Variants in ADM2 observed in about 807,000 individuals in gnomAD.
ADM2 encodes the protein protein ADM2.
In ADM2, 5 loss-of-function variants were observed where a neutral mutation model predicts 7.1. That is an observed-to-expected ratio of 0.71 (90% confidence interval 0.37 to 1.49). The LOEUF (loss-of-function observed/expected upper bound fraction) is 1.49. Among genes scored for constraint, ADM2 ranks in the 40% most tolerant of loss-of-function variants. ADM2 has a pLI of 0.03. For synonymous variants in ADM2, 123 were observed against 92.8 expected, an observed-to-expected ratio of 1.33 and a Z score of -1.87; for missense variants, 236 against 211.2, an observed-to-expected ratio of 1.12 and a Z score of -0.73.
At position 50,481,771 on chromosome 22, in the gene ADM2, C is replaced by G; in HGVS notation, c.-12+8C>G. The stretch of plus-strand genomic sequence containing the variant: ...CGCGGAGGACTCCCCGAGGTGCCGG[C>G]GGAGGGGGTGGCTCGCGGCTCAGGC... On this transcript the variant is annotated splice_region_variant and intron_variant, in intron 1 of 2. Coordinates refer to ENST00000395737, the MANE Select transcript of ADM2 (RefSeq NM_001253845.2). 4 of 1,027,830 alleles carry G rather than the reference C, an allele frequency of 3.9e-6. No individual in the cohort carries two copies. The highest frequency in any genetic ancestry group is 5.3e-6 in the Non-Finnish European group (4 of 755,488). The allele number at this position is 1,027,830 out of a possible 1,614,324, so 63.7% of individuals were successfully genotyped here. A position where few individuals can be genotyped will look rare whatever the true frequency, so the allele number is the denominator to read the frequency against.
chr22:50,482,831 G>T lies in ADM2; in HGVS notation c.375G>T (p.Trp125Cys). 6.2e-7 allele frequency: 1 copy of T among 1,608,582 alleles called. No individual in the cohort carries two copies. Residue 125 changes from tryptophan (W) to cysteine (C), a missense_variant, in exon 3 of 3, where the codon TGG becomes TGT. Transcript: ENST00000395737. ...TGCAGAATCTCAGCCACCGCCTGTG[G>T]CAACTCATGGGACCGGCCGGCCGGC... ...CQVQNLSHRL[W>C]QLMGPAGRQD... is the part of the protein sequence containing the mutation.
At position 50,484,543 on chromosome 22, in the gene ADM2, C is replaced by CA. The variant is rs1255454322; in HGVS notation, c.*1641dup. ...GTCAGCAGAGCACACGGCATGAGGA[C>CA]AGAGGGAGGGGCACGGGGAGTGAAG... On this transcript the variant is annotated 3_prime_UTR_variant, in exon 3 of 3. Transcript: ENST00000395737. The CA allele has an allele frequency of 6.6e-6, 1 of 152,358 alleles. No homozygotes were observed. The highest frequency in any genetic ancestry group is 2.4e-5 in the African/African-American group (1 of 41,394). The allele number at this position is 152,358 out of a possible 1,614,324, so 9.4% of individuals were successfully genotyped here. A position where few individuals can be genotyped will look rare whatever the true frequency, so the allele number is the denominator to read the frequency against.
At position 50,483,289 on chromosome 22, in the gene ADM2, G is replaced by T. The variant is rs61732429; in HGVS notation, c.*386G>T. 5.8e-4 allele frequency: 280 copies of T among 482,270 alleles called. 1 individual carries two copies. Among genetic ancestry groups the T allele is most frequent in the African/African-American group, 5.0e-3 (256 of 51,266 alleles). The allele number at this position is 482,270 out of a possible 1,614,324, so 29.9% of individuals were successfully genotyped here. On this transcript the variant is annotated 3_prime_UTR_variant, in exon 3 of 3. Coordinates refer to ENST00000395737, the MANE Select transcript of ADM2 (RefSeq NM_001253845.2). ...ACTGGCCAGAAGTGGCCCCTCCGCT[G>T]CTGGTCCAGTCAGACTGAAGCCCGG...
Position 50,486,014 on chromosome 22 carries a change from G to C in ADM2, c.*3111G>C, listed in dbSNP as rs1421060691. ...TGCGTTGGCGGCCTGGGTGTTGGCG[G>C]TTCCGTGCCTGCTCCAACTCTCCGT... is the stretch of plus-strand genomic sequence containing the variant. On this transcript the variant is annotated 3_prime_UTR_variant, in exon 3 of 3. Coordinates refer to ENST00000395737, the MANE Select transcript of ADM2 (RefSeq NM_001253845.2). 1.3e-5 allele frequency: 2 copies of C among 152,168 alleles called. No individual in the cohort carries two copies. Among genetic ancestry groups the C allele is most frequent in the Non-Finnish European group, 2.9e-5 (2 of 68,072 alleles). 9.4% of individuals were successfully genotyped at this position (152,168 alleles called of 1,614,324 possible).
At chr22:50,482,431 C>T in intron 2 of ADM2, 136 bp from the exon 3 acceptor site, 2 of 1,358,314 alleles carry the variant, frequency 1.5e-6, no homozygotes, top group Non-Finnish European at 1.9e-6. Flanking sequence ...CCTGGCCGTG[C>T]TCCAGGCTGT....
intron 2 of ADM2, 124 bp downstream of exon 2, chr22:50,482,081 G>A: frequency 3.4e-6 from 3 of 892,278 alleles, no homozygotes; most frequent in South Asian, 1.7e-5. Context: ...CCCAAACAAA[G>A]GCCCCTACCC....
rs1434421820 is a variant in ADM2 at position 50,482,778 on chromosome 22, G to A, written c.322G>A (p.Val108Met). Reference protein sequence around the residue: ...PRRTQAQLLRVGCVLGTCQVQ... With the variant: ...PRRTQAQLLRMGCVLGTCQVQ... Reference sequence around the variant, plus strand: ...CAGGACCCAAGCCCAGCTCCTGCGAGTGGGCTGTGTGCTGGGCACCTGCCA... The same window carrying A: ...CAGGACCCAAGCCCAGCTCCTGCGAATGGGCTGTGTGCTGGGCACCTGCCA... Residue 108 changes from valine to methionine, a missense_variant, in exon 3 of 3, where the codon GTG becomes ATG. Transcript: ENST00000395737. 6.2e-7 allele frequency: 1 copy of A among 1,608,016 alleles called. No homozygotes were observed. Among genetic ancestry groups the A allele is most frequent in the Admixed American group, 1.7e-5 (1 of 59,818 alleles).
At position 50,483,276 on chromosome 22, in the gene ADM2, T is replaced by C. The variant is rs1229308351; in HGVS notation, c.*373T>C. The C allele has an allele frequency of 6.1e-6, 3 of 490,420 alleles. No homozygotes were observed. Among genetic ancestry groups the C allele is most frequent in the Non-Finnish European group, 1.2e-5 (3 of 249,628 alleles). The allele number at this position is 490,420 out of a possible 1,614,324, so 30.4% of individuals were successfully genotyped here. On this transcript the variant is annotated 3_prime_UTR_variant, in exon 3 of 3. Transcript: ENST00000395737. ...GGAGAGAGGCTGAACTGGCCAGAAG[T>C]GGCCCCTCCGCTGCTGGTCCAGTCA...
chr22:50,483,093 G>C lies in ADM2; in HGVS notation c.*190G>C. On this transcript the variant is annotated 3_prime_UTR_variant, in exon 3 of 3. Coordinates refer to ENST00000395737, the MANE Select transcript of ADM2 (RefSeq NM_001253845.2). ...ACACGCAGTGCTGGTACGTCAAGGA[G>C]CCTAAACACCCTGAAATTGTGACCC... 2 of 1,001,638 alleles carry C rather than the reference G, an allele frequency of 2.0e-6. No homozygotes were observed. Among genetic ancestry groups the C allele is most frequent in the Non-Finnish European group, 3.0e-6 (2 of 659,766 alleles). 62.0% of individuals were successfully genotyped at this position (1,001,638 alleles called of 1,614,324 possible). A position where few individuals can be genotyped will look rare whatever the true frequency, so the allele number is the denominator to read the frequency against.
In ADM2 at chr22:50,482,890, A is replaced by G; in HGVS notation, c.434A>G (p.His145Arg). The G allele has an allele frequency of 6.3e-7, 1 of 1,598,296 alleles. No individual in the cohort carries two copies. ...GCTCCTGTGGACCCCAGCAGCCCCC[A>G]CAGCTATGGCTGAGGTGGGGCCGGG... ...DSAPVDPSSP[H>R]SYG is the part of the protein sequence containing the mutation. The change falls in exon 3 of 3, where the codon CAC (histidine) becomes CGC (arginine). Residue 145 changes from histidine to arginine, a missense_variant. By Grantham distance (29) the His-to-Arg change is conservative (BLOSUM62 0). Transcript: ENST00000395737.
Position 50,483,470 on chromosome 22 carries a change from C to T in ADM2, c.*567C>T. ...AGGTCATGAAGGGACCTCTGTGGCT[C>T]CAGCTGCCAACCCTGGAGCCCAGAC... On this transcript the variant is annotated 3_prime_UTR_variant, in exon 3 of 3. Coordinates refer to ENST00000395737, the MANE Select transcript of ADM2 (RefSeq NM_001253845.2). The T allele has an allele frequency of 2.8e-6, 1 of 352,902 alleles. No homozygotes were observed. The highest frequency in any genetic ancestry group is 5.7e-6 in the Non-Finnish European group (1 of 176,400). 21.9% of individuals were successfully genotyped at this position (352,902 alleles called of 1,614,324 possible). A position where few individuals can be genotyped will look rare whatever the true frequency, so the allele number is the denominator to read the frequency against.
Position 50,483,158 on chromosome 22 carries a change from A to T in ADM2, c.*255A>T. ...GCCAGACACAGCTGGCGGCAGCACCAGATGCTAAGCGCTTCAGAGAGGAGG... is the reference window on the plus strand; with the variant it reads ...GCCAGACACAGCTGGCGGCAGCACCTGATGCTAAGCGCTTCAGAGAGGAGG... On this transcript the variant is annotated 3_prime_UTR_variant, in exon 3 of 3. Transcript: ENST00000395737. The T allele has an allele frequency of 1.4e-6, 1 of 693,388 alleles. No individual in the cohort carries two copies. The highest frequency in any genetic ancestry group is 2.6e-6 in the Non-Finnish European group (1 of 383,470). 43.0% of individuals were successfully genotyped at this position (693,388 alleles called of 1,614,324 possible).
chr22:50,482,888 C>A lies in ADM2; in HGVS notation c.432C>A (p.Pro144=). The part of the protein sequence containing the change: ...QDSAPVDPSS[P]HSYG ...CAGCTCCTGTGGACCCCAGCAGCCCCCACAGCTATGGCTGAGGTGGGGCCG... is the reference window on the plus strand; with the variant it reads ...CAGCTCCTGTGGACCCCAGCAGCCCACACAGCTATGGCTGAGGTGGGGCCG... Residue 144 remains proline, a synonymous_variant, in exon 3 of 3, where the codon CCC becomes CCA. Coordinates refer to ENST00000395737, the MANE Select transcript of ADM2 (RefSeq NM_001253845.2). 6.3e-7 allele frequency: 1 copy of A among 1,599,808 alleles called. No individual in the cohort carries two copies. Among genetic ancestry groups the A allele is most frequent in the East Asian group, 2.2e-5 (1 of 44,518 alleles).
chr22:50,481,627 T>G lies in ADM2; in HGVS notation c.-148T>G. ...AGGACCCCCAACCCGCCCAGCCCGC[T>G]CCGCCTTGCGCCCCGGACCCGCGGC... is the stretch of plus-strand genomic sequence containing the variant. On this transcript the variant is annotated 5_prime_UTR_variant, in exon 1 of 3. Coordinates refer to ENST00000395737, the MANE Select transcript of ADM2 (RefSeq NM_001253845.2). 1 of 240,682 alleles carries G rather than the reference T, an allele frequency of 4.2e-6. No individual in the cohort carries two copies. The highest frequency in any genetic ancestry group is 7.8e-6 in the Non-Finnish European group (1 of 127,562). The allele number at this position is 240,682 out of a possible 1,614,324, so 14.9% of individuals were successfully genotyped here.
chr22:50,485,619 G>A lies in ADM2; in HGVS notation c.*2716G>A, dbSNP rs2068256980. Reference sequence around the variant, plus strand: ...TAGAAGGAGACAAACGTAGAAGGTAGAATAAGTGGGTGGTGGAGTGGCAGG... The same window carrying A: ...TAGAAGGAGACAAACGTAGAAGGTAAAATAAGTGGGTGGTGGAGTGGCAGG... On this transcript the variant is annotated 3_prime_UTR_variant, in exon 3 of 3. Coordinates refer to ENST00000395737, the MANE Select transcript of ADM2 (RefSeq NM_001253845.2). The A allele has an allele frequency of 6.6e-6, 1 of 152,432 alleles. No individual in the cohort carries two copies. The highest frequency in any genetic ancestry group is 1.5e-5 in the Non-Finnish European group (1 of 68,158). The allele number at this position is 152,432 out of a possible 1,614,324, so 9.4% of individuals were successfully genotyped here.
At position 50,483,292 on chromosome 22, in the gene ADM2, G is replaced by C. The variant is rs777249467; in HGVS notation, c.*389G>C. On this transcript the variant is annotated 3_prime_UTR_variant, in exon 3 of 3. Coordinates refer to ENST00000395737, the MANE Select transcript of ADM2 (RefSeq NM_001253845.2). ...GGCCAGAAGTGGCCCCTCCGCTGCT[G>C]GTCCAGTCAGACTGAAGCCCGGCCT... is the stretch of plus-strand genomic sequence containing the variant. 2 of 478,594 alleles carry C rather than the reference G, an allele frequency of 4.2e-6. No homozygotes were observed. The highest frequency in any genetic ancestry group is 6.2e-5 in the East Asian group (1 of 16,040). 29.6% of individuals were successfully genotyped at this position (478,594 alleles called of 1,614,324 possible). A position where few individuals can be genotyped will look rare whatever the true frequency, so the allele number is the denominator to read the frequency against.
In ADM2 at chr22:50,485,579, C is replaced by T. The variant is rs190802072; in HGVS notation, c.*2676C>T. ...TACAGCCTTGACCCCCAGGGGCTGA[C>T]ATTCTAGGGGGAGATAGAAGGAGAC... On this transcript the variant is annotated 3_prime_UTR_variant, in exon 3 of 3. Coordinates refer to ENST00000395737, the MANE Select transcript of ADM2 (RefSeq NM_001253845.2). 11 of 152,508 alleles carry T rather than the reference C, an allele frequency of 7.2e-5. No individual in the cohort carries two copies. In the East Asian group the frequency reaches 1.7e-3, roughly 24 times the overall value. The allele number at this position is 152,508 out of a possible 1,614,324, so 9.4% of individuals were successfully genotyped here.
Position 50,482,998 on chromosome 22 carries a change from G to A in ADM2, c.*95G>A. The A allele has an allele frequency of 6.5e-7, 1 of 1,529,682 alleles. No homozygotes were observed. Among genetic ancestry groups the A allele is most frequent in the Non-Finnish European group, 8.8e-7 (1 of 1,141,010 alleles). 94.8% of individuals were successfully genotyped at this position (1,529,682 alleles called of 1,614,324 possible). On this transcript the variant is annotated 3_prime_UTR_variant, in exon 3 of 3. Coordinates refer to ENST00000395737, the MANE Select transcript of ADM2 (RefSeq NM_001253845.2). ...GCCCCATCTGAAGCCCAGTCCCTCG[G>A]AGCTGCAGACAGCAGGTCCTGCAGC...
intron 2 of ADM2, among the ~76,000 whole-genome samples, 197 bp from the exon 3 acceptor site, chr22:50,482,370 C>T (rs1051818067): frequency 2.0e-5 from 3 of 152,264 alleles, no homozygotes; most frequent in South Asian, 2.1e-4. Flanking sequence ...ACACGTGACC[C>T]GGGCCACTGA....
Sources: gnomAD v4.1 joint callset for allele counts (sites outside exome capture counted in the v4.1 genomes callset) on GRCh38, gnomAD v4.1.1 for gene constraint, MANE v1.5 for transcripts, NCBI Gene and HGNC (gene_info 2026-07-23, HGNC 2026-07-21) for gene names.